The following PLOD1 variants were observed in gnomAD, a reference collection of about 807,000 sequenced individuals.
PLOD1 encodes lysine hydroxylase.
Under a neutral mutation model 94.7 loss-of-function variants are expected in PLOD1, and 70 were observed. The observed-to-expected ratio is 0.74, with a 90% CI of 0.61 to 0.90. The LOEUF is 0.90. Ranked by LOEUF, PLOD1 falls within the 40% of genes least tolerant of loss-of-function variation. PLOD1 has a pLI of 0.00. For synonymous variants in PLOD1, 417 were observed against 400.2 expected (o/e 1.04, Z -0.50); for missense variants, 905 against 972.7 (o/e 0.93, Z 0.93).
Position 11,966,915 on chromosome 1 carries a change from T to C in PLOD1, c.1651-72T>C, listed in dbSNP as rs1040661470. ...GGGAGGGCTCCCTGGCTTGGGTGTG[T>C]GGCCCTGAAGAGGAAGGAGGATTCT... is the stretch of plus-strand genomic sequence containing the variant. On this transcript the variant is annotated intron_variant, in intron 15 of 18. Transcript: ENST00000196061. The C allele has an allele frequency of 4.9e-5, 47 of 950,842 alleles. 1 individual carries two copies. In the East Asian group the frequency reaches 1.1e-3, roughly 23 times the overall value. The allele number at this position is 950,842 out of a possible 1,614,324, so 58.9% of individuals were successfully genotyped here. A position where few individuals can be genotyped will look rare whatever the true frequency, so the allele number is the denominator to read the frequency against.
chr1:11,963,145 C>T lies in PLOD1; in HGVS notation c.1098-387C>T, dbSNP rs1465074062. Among the ~76,000 whole-genome samples the T allele has an allele frequency of 1.3e-5, 2 of 152,222 alleles. No individual in the cohort carries two copies. The highest frequency in any genetic ancestry group is 4.8e-5 in the African/African-American group (2 of 41,454). ...AGGGCCAGAGTTTGACTCACAGACC[C>T]TCGTTTGCTGAGTCCTGTACCAGAT... On this transcript the variant is annotated intron_variant, in intron 10 of 18. Transcript: ENST00000196061. This position sits in a 1 kb window ranked among gnomAD's most constrained non-coding sequence, Gnocchi z 4.3.
rs181034780 is a variant in PLOD1, at chr1:11,962,067, G to A, written c.1097+1300G>A. On this transcript the variant is annotated intron_variant, in intron 10 of 18. Transcript: ENST00000196061. ...GCCTCCCTAAGTGCTGGGATTACAG[G>A]TGTGAGCCACTGCGCCTGGTTAATT... Among the ~76,000 whole-genome samples the A allele has an allele frequency of 1.6e-3, 238 of 152,198 alleles. 1 individual carries two copies. Among genetic ancestry groups the A allele is most frequent in the Admixed American group, 4.1e-3 (63 of 15,276 alleles).
intron 18 of PLOD1, among the ~76,000 whole-genome samples, chr1:11,974,285 A>T (rs1456485628): frequency 6.6e-6 from 1 of 151,750 alleles, no homozygotes; most frequent in Non-Finnish European, 1.5e-5. Context: ...TCCTGGGTTC[A>T]AGTGATTCTG....
At chr1:11,945,944 A>G (rs1569677894) in intron 1 of PLOD1, among the ~76,000 whole-genome samples, 1 of 152,008 alleles carries the variant, frequency 6.6e-6, no homozygotes, top group Non-Finnish European at 1.5e-5. Context: ...CCTGATCTCA[A>G]GTGATCTGCC....
intron 15 of PLOD1, 46 bp downstream of exon 15, chr1:11,966,362 G>C (rs375765401): frequency 3.7e-4 from 530 of 1,422,276 alleles, no homozygotes; most frequent in Middle Eastern, 6.9e-4. Flanking sequence ...CCTGCTGCAG[G>C]GGGCAGGGCA....
intron 15 of PLOD1, 154 bp downstream of exon 15, chr1:11,966,470 G>T (rs1645818856): frequency 3.9e-6 from 1 of 255,240 alleles, no homozygotes; most frequent in South Asian, 3.4e-5. Context: ...GGGAGTTGGG[G>T]GTGGCGGGAT....
At chr1:11,961,105 C>T (rs1019210787) in intron 10 of PLOD1, among the ~76,000 whole-genome samples, 5 of 151,894 alleles carry the variant, frequency 3.3e-5, no homozygotes, top group Admixed American at 6.6e-5. Flanking sequence ...AAAAAAAGGC[C>T]GAGAGCAGTG....
chr1:11,943,380 G>A (rs760105322), intron 1 of PLOD1, among the ~76,000 whole-genome samples: 2 of 150,440 alleles, frequency 1.3e-5, no homozygotes, highest in African/African-American at 4.9e-5. Flanking sequence ...CACTGCAGCC[G>A]CCACCTCCCG....
chr1:11,947,889 T>A, intron 1 of PLOD1, 87 bp from the exon 2 acceptor site: 1 of 860,414 alleles, frequency 1.2e-6, no homozygotes, highest in Non-Finnish European at 2.0e-6. Flanking sequence ...CCTGCCAGAA[T>A]TTGACAGGTC....
At chr1:11,961,320 G>C (rs1645776590) in intron 10 of PLOD1, among the ~76,000 whole-genome samples, 1 of 152,296 alleles carries the variant, frequency 6.6e-6, no homozygotes, top group South Asian at 2.1e-4. Context: ...GGGAAGTCGA[G>C]GTTGCATGAG....
intron 18 of PLOD1, among the ~76,000 whole-genome samples, chr1:11,974,204 T>G (rs1207499202): frequency 2.0e-5 from 3 of 151,908 alleles, no homozygotes; most frequent in African/African-American, 7.3e-5. Context: ...TCTTTGGGTT[T>G]TTTTTTTTTT....
At chr1:11,939,338 G>T (rs1645600397) in intron 1 of PLOD1, among the ~76,000 whole-genome samples, 1 of 152,074 alleles carries the variant, frequency 6.6e-6, no homozygotes, top group South Asian at 2.1e-4. Context: ...TTCAGTTCAA[G>T]CCTGGGGTGG....
chr1:11,964,609 C>T (rs778342993), intron 12 of PLOD1, 35 bp from the exon 13 acceptor site: 2 of 1,612,092 alleles, frequency 1.2e-6, no homozygotes, highest in Admixed American at 1.7e-5. Context: ...CACCACCAGC[C>T]TCTGACCCCC....
In PLOD1 at chr1:11,949,890, A is replaced by G. The variant is rs763494719; in HGVS notation, c.286A>G (p.Ile96Val). The G allele has an allele frequency of 3.1e-6, 5 of 1,614,146 alleles. No homozygotes were observed. The South Asian group carries it at 4.4e-5, about 14-fold the overall frequency. ...EKHADKEDLV[I>V]LFADSYDVLF... Reference sequence around the variant, plus strand: ...GCACGCAGACAAGGAGGATCTGGTCATTCTCTTCGCAGACAGGTAGGTGGG... The same window carrying G: ...GCACGCAGACAAGGAGGATCTGGTCGTTCTCTTCGCAGACAGGTAGGTGGG... Residue 96 changes from isoleucine (I) to valine (V), a missense_variant, in exon 3 of 19, where the codon ATT becomes GTT. Coordinates refer to ENST00000196061, the MANE Select transcript of PLOD1 (RefSeq NM_000302.4).
chr1:11,964,777 C>T lies in PLOD1; in HGVS notation c.1462C>T (p.Arg488Trp), dbSNP rs770072937. Residue 488 changes from arginine to tryptophan, a missense_variant, in exon 13 of 19, where the codon CGG becomes TGG. Physicochemically the swap from Arg to Trp is moderately radical, Grantham distance 101. Transcript: ENST00000196061. ...DPDMAFCANI[R>W]QQDVFMFLTN... ...CGACATGGCCTTCTGTGCCAACATC[C>T]GGCAGCAGGTCAGCCAGGAGCGGGC... 1.1e-5 allele frequency: 18 copies of T among 1,613,490 alleles called. 1 individual carries two copies. The Admixed American group carries it at 1.3e-4, about 12-fold the overall frequency.
intron 1 of PLOD1, among the ~76,000 whole-genome samples, chr1:11,945,720 T>C (rs1050465446): frequency 1.3e-5 from 2 of 152,162 alleles, no homozygotes; most frequent in Middle Eastern, 3.2e-3. Flanking sequence ...TTTTTATTTT[T>C]ATTTTTGAGG....
intron 14 of PLOD1, among the ~76,000 whole-genome samples, chr1:11,965,891 T>C (rs1340843047): frequency 6.6e-6 from 1 of 152,164 alleles, no homozygotes; most frequent in Non-Finnish European, 1.5e-5. Context: ...TTAGTTATCT[T>C]AGCTCCAAAA....
chr1:11,969,924 T>C (rs966824233), intron 16 of PLOD1, among the ~76,000 whole-genome samples: 3 of 148,526 alleles, frequency 2.0e-5, no homozygotes, highest in Non-Finnish European at 3.0e-5. Context: ...CTGGGCAACA[T>C]AGTGAGACCT....
At chr1:11,941,991 T>C (rs899329169) in intron 1 of PLOD1, among the ~76,000 whole-genome samples, 1 of 151,100 alleles carries the variant, frequency 6.6e-6, no homozygotes, top group African/African-American at 2.4e-5. Context: ...CGGCCTTTTT[T>C]TTTTTTTTTG....
Sources: allele counts gnomAD v4.1 joint callset (sites outside exome capture counted in the v4.1 genomes callset), GRCh38; gene constraint gnomAD v4.1.1; non-coding constraint Gnocchi (gnomAD v3.1); transcripts MANE v1.5; gene names NCBI Gene and HGNC (gene_info 2026-07-23, HGNC 2026-07-21).